ATP2A1: variants seen among roughly 807,000 people sequenced by gnomAD.
ATP2A1 encodes the protein ATPase sarcoplasmic/endoplasmic reticulum Ca2+ transporting 1.
In ATP2A1, 83 loss-of-function variants were observed where a neutral mutation model predicts 109.5. The ratio of observed to expected loss-of-function variants is 0.76; its 90% CI spans 0.63 to 0.91. The LOEUF is 0.91. Ranked by LOEUF, ATP2A1 falls within the 40% of genes least tolerant of loss-of-function variation. The probability of loss-of-function intolerance (pLI) is 0.00; values close to 1 mark genes in which losing one functional copy is unlikely to be tolerated. For missense variants in ATP2A1, 1,101 were observed against 1,341.0 expected (o/e 0.82, Z 2.80); for synonymous variants, 505 against 537.6 (o/e 0.94, Z 0.84).
rs1466502050 is a variant in ATP2A1 at position 28,880,570 on chromosome 16, C to T, written c.220-345C>T. 2.0e-5 allele frequency among the ~76,000 whole-genome samples: 3 copies of T among 152,252 alleles called. No individual in the cohort carries two copies. Among genetic ancestry groups the T allele is most frequent in the Non-Finnish European group, 4.4e-5 (3 of 68,048 alleles). On this transcript the variant is annotated intron_variant, in intron 3 of 22. Coordinates refer to ENST00000395503, the MANE Select transcript of ATP2A1 (RefSeq NM_004320.6). The surrounding 1 kb of genome is among the most constrained non-coding windows in gnomAD (Gnocchi z 4.2). Reference sequence around the variant, plus strand: ...GCGAAGACCACAGGGTTTTTCCTCTCGGGTTTTGGCTCCCGTGGGATGGAT... The same window carrying T: ...GCGAAGACCACAGGGTTTTTCCTCTTGGGTTTTGGCTCCCGTGGGATGGAT...
chr16:28,879,508 C>G lies in ATP2A1; in HGVS notation c.144C>G (p.Thr48=). ...CCTTGCCTCCTCCCCCAGGGAAGAC[C>G]CTGTGGGAGCTGGTGATAGAGCAGT... is the stretch of plus-strand genomic sequence containing the variant. ...LNELPAEEGK[T]LWELVIEQFE... is the part of the protein sequence containing the mutation. Residue 48 remains threonine, a synonymous_variant, in exon 3 of 23, where the codon ACC becomes ACG. Coordinates refer to ENST00000395503, the MANE Select transcript of ATP2A1 (RefSeq NM_004320.6). The G allele has an allele frequency of 6.2e-7, 1 of 1,614,066 alleles. No homozygotes were observed. Among genetic ancestry groups the G allele is most frequent in the Admixed American group, 1.7e-5 (1 of 60,018 alleles).
chr16:28,884,370 G>A (rs551867083), intron 5 of ATP2A1, among the ~76,000 whole-genome samples: 3 of 152,276 alleles, frequency 2.0e-5, no homozygotes, highest in South Asian at 4.1e-4. Context: ...TCTCGCCGTG[G>A]ACACGGGGGC....
intron 4 of ATP2A1, 99 bp from the exon 5 acceptor site, chr16:28,882,352 G>A: frequency 1.3e-6 from 2 of 1,554,464 alleles, no homozygotes; most frequent in African/African-American, 1.4e-5. Flanking sequence ...ACACACCCCT[G>A]CCTGTGTGGG....
intron 22 of ATP2A1, 110 bp from the exon 23 acceptor site, chr16:28,904,070 G>A: frequency 9.7e-7 from 1 of 1,036,052 alleles, no homozygotes; most frequent in Non-Finnish European, 1.5e-6. Context: ...GAAACTGGCA[G>A]GGTGGTAAGC....
Position 28,903,665 on chromosome 16 carries a change from T to TTGA in ATP2A1, c.2981-33_2981-31dup, listed in dbSNP as rs745965821. On this transcript the variant is annotated intron_variant, in intron 21 of 22. Transcript: ENST00000395503. The surrounding 1 kb of genome is among the most constrained non-coding windows in gnomAD (Gnocchi z 5.6). ...ATAGCCCCCATGCCACCTCCCTGCC[T>TTGA]TGATAACAGTGCCTCTTGTCCTCTC... The TTGA allele has an allele frequency of 6.3e-7, 1 of 1,596,708 alleles. No homozygotes were observed. Among genetic ancestry groups the TTGA allele is most frequent in the African/African-American group, 1.3e-5 (1 of 74,324 alleles).
intron 14 of ATP2A1, among the ~76,000 whole-genome samples, chr16:28,899,059 G>A (rs1963993594): frequency 6.6e-6 from 1 of 152,194 alleles, no homozygotes; most frequent in Non-Finnish European, 1.5e-5. Context: ...TCTAGCAAAT[G>A]TGATCTGTGG....
rs1159243908 is a variant in ATP2A1 at position 28,883,802 on chromosome 16, C to T, written c.464-773C>T. Among the ~76,000 whole-genome samples, 1 of 152,138 alleles carries T rather than the reference C, an allele frequency of 6.6e-6. No individual in the cohort carries two copies. Among genetic ancestry groups the T allele is most frequent in the African/African-American group, 2.4e-5 (1 of 41,440 alleles). ...GCCCAACCCCCGCTTCTCTCCTGTC[C>T]CATCCCATCCTGTCTTGTCCATGTC... On this transcript the variant is annotated intron_variant, in intron 5 of 22. Transcript: ENST00000395503. This position sits in a 1 kb window ranked among gnomAD's most constrained non-coding sequence, Gnocchi z 5.2.
intron 1 of ATP2A1, 45 bp from the exon 2 acceptor site, chr16:28,879,054 C>A (rs770431288): frequency 6.2e-7 from 1 of 1,613,812 alleles, no homozygotes; most frequent in East Asian, 2.2e-5. Flanking sequence ...GGGCATGAGG[C>A]TGAACCCCAA....
In ATP2A1 at chr16:28,894,189, G is replaced by T. The variant is rs779751628; in HGVS notation, c.1130G>T (p.Cys377Phe). ...FIIDKVDGDICLLNEFSITGS... is the reference protein window; with the variant it reads ...FIIDKVDGDIFLLNEFSITGS... ...ATTGACAAGGTGGATGGGGACATCT[G>T]CCTCCTGAATGAGTTCTCCATCACC... The change falls in exon 10 of 23, where the codon TGC (cysteine) becomes TTC (phenylalanine). Residue 377 changes from cysteine (C) to phenylalanine (F), a missense_variant. Transcript: ENST00000395503. 20 of 1,613,890 alleles carry T rather than the reference G, an allele frequency of 1.2e-5. No individual in the cohort carries two copies. Among genetic ancestry groups the T allele is most frequent in the Non-Finnish European group, 1.6e-5 (19 of 1,179,996 alleles).
rs1409431511 is a variant in ATP2A1 at position 28,878,769 on chromosome 16, T to A, written c.98T>A (p.Leu33Gln). 9 of 1,613,994 alleles carry A rather than the reference T, an allele frequency of 5.6e-6. No homozygotes were observed. The highest frequency in any genetic ancestry group is 7.6e-6 in the Non-Finnish European group (9 of 1,179,950). Residue 33 changes from leucine to glutamine, a missense_variant, in exon 1 of 23, where the codon CTG becomes CAG. Transcript: ENST00000395503. ...ACCCCGGACCAAGTTAAGCGGAATC[T>A]GGAGAAATACGGCCTCAATGGTAAG... Reference protein sequence around the residue: ...GLTPDQVKRNLEKYGLNELPA... With the variant: ...GLTPDQVKRNQEKYGLNELPA...
chr16:28,888,071 G>T (rs1963667128), intron 8 of ATP2A1, among the ~76,000 whole-genome samples: 1 of 152,050 alleles, frequency 6.6e-6, no homozygotes, highest in East Asian at 1.9e-4. Context: ...AAAGTGCTGG[G>T]ATTACAGGCG....
At chr16:28,891,650 G>C (rs1346982144) in intron 9 of ATP2A1, among the ~76,000 whole-genome samples, 1 of 146,576 alleles carries the variant, frequency 6.8e-6, no homozygotes, top group Non-Finnish European at 1.5e-5. Flanking sequence ...CTAGCACTTT[G>C]GGAGGCCAAG....
rs150077773 is a variant in ATP2A1, at chr16:28,894,729, G to A, written c.1288-93G>A. ...CCTCTGCCAGGGTGCAAGGGAGGCA[G>A]TGGTTTGCTTCCTTCTTACGCTAGG... On this transcript the variant is annotated intron_variant, in intron 11 of 22. Transcript: ENST00000395503. 21 of 1,600,432 alleles carry A rather than the reference G, an allele frequency of 1.3e-5. No individual in the cohort carries two copies. In the East Asian group the frequency reaches 4.2e-4, roughly 32 times the overall value.
intron 6 of ATP2A1, 49 bp from the exon 7 acceptor site, chr16:28,887,140 G>A (rs1963635992): frequency 1.3e-6 from 2 of 1,584,802 alleles, no homozygotes; most frequent in Admixed American, 1.7e-5. Context: ...GGGAAGCCTG[G>A]GAGAAGGACA....
At chr16:28,897,032 G>C (rs1297068166) in intron 12 of ATP2A1, among the ~76,000 whole-genome samples, 1 of 151,838 alleles carries the variant, frequency 6.6e-6, no homozygotes, top group African/African-American at 2.4e-5. Context: ...AGTGAGCCAA[G>C]ACTGCACCAC....
Position 28,903,636 on chromosome 16 carries a change from C to A in ATP2A1, c.2981-64C>A, listed in dbSNP as rs369197969. 2 of 1,351,884 alleles carry A rather than the reference C, an allele frequency of 1.5e-6. No individual in the cohort carries two copies. 83.7% of individuals were successfully genotyped at this position (1,351,884 alleles called of 1,614,324 possible). A position where few individuals can be genotyped will look rare whatever the true frequency, so the allele number is the denominator to read the frequency against. ...CCACTGCCTCCTCAGCCCCCACAGC[C>A]CCTATAGCCCCCATGCCACCTCCCT... On this transcript the variant is annotated intron_variant, in intron 21 of 22. Transcript: ENST00000395503. This position sits in a 1 kb window ranked among gnomAD's most constrained non-coding sequence, Gnocchi z 5.6.
At chr16:28,884,748 A>T in intron 6 of ATP2A1, 93 bp downstream of exon 6, 1 of 1,231,814 alleles carries the variant, frequency 8.1e-7, no homozygotes, top group Non-Finnish European at 1.1e-6. Context: ...GAGAACCCTC[A>T]CTGTCTGAGC....
chr16:28,894,773 G>T (rs1294921232), intron 11 of ATP2A1, 49 bp from the exon 12 acceptor site: 1 of 1,609,186 alleles, frequency 6.2e-7, no homozygotes, highest in Admixed American at 1.7e-5. Flanking sequence ...GGGTATGACA[G>T]GTAGGAGCCT....
chr16:28,887,811 T>C, intron 8 of ATP2A1, 89 bp downstream of exon 8: 1 of 1,530,162 alleles, frequency 6.5e-7, no homozygotes, highest in Non-Finnish European at 8.9e-7. Context: ...TTTTCTTTTT[T>C]GTTTTTTGAG....
Sources: gnomAD v4.1 joint callset for allele counts (sites outside exome capture counted in the v4.1 genomes callset) on GRCh38, gnomAD v4.1.1 for gene constraint, Gnocchi (gnomAD v3.1) non-coding constraint, MANE v1.5 for transcripts, NCBI Gene and HGNC (gene_info 2026-07-23, HGNC 2026-07-21) for gene names.